YIF1A: variants seen among roughly 807,000 people sequenced by gnomAD.
YIF1A encodes protein YIF1A.
A neutral mutation model predicts 32.6 loss-of-function variants in YIF1A; 28 were observed. The ratio of observed to expected loss-of-function variants is 0.86; its 90% CI spans 0.64 to 1.18. The LOEUF (loss-of-function observed/expected upper bound fraction) is 1.18. Ranked by LOEUF, YIF1A falls within the 50% of genes most tolerant of loss-of-function variation. The pLI is 0.00. For synonymous variants in YIF1A, 175 were observed against 162.2 expected, an observed-to-expected ratio of 1.08 and a Z score of -0.60; for missense variants, 373 against 390.8, an observed-to-expected ratio of 0.95 and a Z score of 0.38.
intron 5 of YIF1A, 62 bp downstream of exon 5, chr11:66,285,639 C>G: frequency 6.2e-7 from 1 of 1,611,692 alleles, no homozygotes; most frequent in Non-Finnish European, 8.5e-7. Context: ...CACATATGCC[C>G]TAGGGAGGTT....
rs780815428 is a variant in YIF1A at position 66,288,227 on chromosome 11, A to G, written c.97T>C (p.Tyr33His). 2.5e-6 allele frequency: 4 copies of G among 1,613,912 alleles called. No homozygotes were observed. The South Asian group carries it at 4.4e-5, about 18-fold the overall frequency. Residue 33 changes from tyrosine (Y) to histidine (H), a missense_variant, in exon 2 of 8, where the codon TAT (tyrosine) becomes CAT (histidine). Coordinates refer to ENST00000376901, the MANE Select transcript of YIF1A (RefSeq NM_020470.3). ...GGGTATCCCCCGGGCTGGCTGGAAT[A>G]ACCACCGCTTGTGTCATCGAAGAGG... ...PPLFDDTSGG[Y>H]SSQPGGYPAT...
intron 2 of YIF1A, 28 bp from the exon 3 acceptor site, chr11:66,287,944 C>CA: frequency 6.2e-7 from 1 of 1,609,728 alleles, no homozygotes; most frequent in Non-Finnish European, 8.5e-7. Context: ...AAGCTGTGGG[C>CA]AAGCCGCACC....
chr11:66,288,722 G>A (rs1857403496), intron 1 of YIF1A, among the ~76,000 whole-genome samples: 1 of 152,260 alleles, frequency 6.6e-6, no homozygotes, highest in African/African-American at 2.4e-5. Context: ...AGTCAAAGGA[G>A]TTTCTGGAGG....
chr11:66,284,806 C>A (rs779712645), intron 7 of YIF1A, 23 bp from the exon 8 acceptor site: 1 of 1,611,354 alleles, frequency 6.2e-7, no homozygotes, highest in South Asian at 1.1e-5. Context: ...AGAACTGAAG[C>A]CTGGCCAGGA....
At chr11:66,287,996 G>A in intron 2 of YIF1A, 80 bp from the exon 3 acceptor site, 2 of 1,605,538 alleles carry the variant, frequency 1.2e-6, no homozygotes, top group Non-Finnish European at 1.7e-6. Context: ...ATCCCTGAGG[G>A]CACTGTGAGG....
At chr11:66,287,445 C>T (rs1590896369) in intron 4 of YIF1A, 153 bp downstream of exon 4, 3 of 889,730 alleles carry the variant, frequency 3.4e-6, no homozygotes, top group African/African-American at 1.7e-5. Context: ...CCCTGCACTG[C>T]CTGCCTGGTG....
chr11:66,288,333 A>T, intron 1 of YIF1A, 41 bp from the exon 2 acceptor site: 1 of 1,611,522 alleles, frequency 6.2e-7, no homozygotes, highest in Non-Finnish European at 8.5e-7. Flanking sequence ...CAGAAATACC[A>T]AGCATGAGCC....
At chr11:66,285,032 C>G (rs571088861) in intron 6 of YIF1A, 66 bp from the exon 7 acceptor site, 3 of 1,540,296 alleles carry the variant, frequency 1.9e-6, no homozygotes, top group East Asian at 2.3e-5. Flanking sequence ...GGCCCTACCC[C>G]CAACGCCCAG....
chr11:66,288,270 T>A lies in YIF1A; in HGVS notation c.54A>T (p.Ala18=), dbSNP rs1268764005. Residue 18 remains alanine (A), a synonymous_variant, in exon 2 of 8, where the codon GCA becomes GCT. Coordinates refer to ENST00000376901, the MANE Select transcript of YIF1A (RefSeq NM_020470.3). ...GAHGSKHRAR[A]APDPPPLFDD... is the part of the protein sequence containing the mutation. Reference sequence around the variant, plus strand: ...CGAAGAGGGGAGGGGGATCCGGGGCTGCCCGGGCCCTGTGCTTGGAGCCTG... The same window carrying A: ...CGAAGAGGGGAGGGGGATCCGGGGCAGCCCGGGCCCTGTGCTTGGAGCCTG... 13 of 1,613,950 alleles carry A rather than the reference T, an allele frequency of 8.1e-6. No individual in the cohort carries two copies. The highest frequency in any genetic ancestry group is 1.1e-5 in the Non-Finnish European group (13 of 1,180,018).
At chr11:66,288,375 C>G in intron 1 of YIF1A, 83 bp from the exon 2 acceptor site, 10 of 1,551,532 alleles carry the variant, frequency 6.4e-6, no homozygotes, top group Non-Finnish European at 8.0e-6. Context: ...GCTGGACAGC[C>G]CTGCACGGGT....
Position 66,288,229 on chromosome 11 carries a change from C to T in YIF1A, c.95G>A (p.Gly32Asp). The T allele has an allele frequency of 6.2e-7, 1 of 1,614,086 alleles. No individual in the cohort carries two copies. Among genetic ancestry groups the T allele is most frequent in the Non-Finnish European group, 8.5e-7 (1 of 1,180,038 alleles). ...PPPLFDDTSG[G>D]YSSQPGGYPA... is the part of the protein sequence containing the mutation. ...GTATCCCCCGGGCTGGCTGGAATAA[C>T]CACCGCTTGTGTCATCGAAGAGGGG... The change falls in exon 2 of 8, where the codon GGT (glycine) becomes GAT (aspartate). Residue 32 changes from glycine to aspartate, a missense_variant. Transcript: ENST00000376901.
chr11:66,288,406 AG>A, intron 1 of YIF1A, 114 bp from the exon 2 acceptor site: 1 of 1,259,794 alleles, frequency 7.9e-7, no homozygotes, highest in Non-Finnish European at 1.1e-6. Flanking sequence ...CCGATCAGTG[AG>A]GGGACCCCAA....
rs1170769920 is a variant in YIF1A, at chr11:66,289,104, C to T, written c.-119G>A. 7.4e-7 allele frequency: 1 copy of T among 1,351,350 alleles called. No homozygotes were observed. Among genetic ancestry groups the T allele is most frequent in the Non-Finnish European group, 9.6e-7 (1 of 1,038,664 alleles). 83.7% of individuals were successfully genotyped at this position (1,351,350 alleles called of 1,614,324 possible). ...GAGGCCACCCGGCCGCGCGACACGT[C>T]CCCCACCCCGCCGGTCTCGGCCACC... On this transcript the variant is annotated 5_prime_UTR_variant, in exon 1 of 8. Transcript: ENST00000376901.
intron 1 of YIF1A, 43 bp downstream of exon 1, chr11:66,288,912 T>C: frequency 6.9e-7 from 1 of 1,449,998 alleles, no homozygotes. Flanking sequence ...CCGCCGACTC[T>C]CCCCCCGCCG....
intron 3 of YIF1A, 38 bp from the exon 4 acceptor site, chr11:66,287,714 G>T (rs1466608048): frequency 1.2e-6 from 2 of 1,610,880 alleles, no homozygotes; most frequent in Non-Finnish European, 1.7e-6. Flanking sequence ...ACATCAGGAG[G>T]GGAAGAAGAG....
At chr11:66,287,783 C>T in intron 3 of YIF1A, 29 bp downstream of exon 3, 1 of 1,612,540 alleles carries the variant, frequency 6.2e-7, no homozygotes, top group Admixed American at 1.7e-5. Flanking sequence ...ATGAGGAAGG[C>T]CCACCAGCTC....
In YIF1A at chr11:66,288,136, G is replaced by A. The variant is rs762030236; in HGVS notation, c.188C>T (p.Ala63Val). 3.1e-6 allele frequency: 5 copies of A among 1,614,152 alleles called. No individual in the cohort carries two copies. Among genetic ancestry groups the A allele is most frequent in the East Asian group, 2.2e-5 (1 of 44,886 alleles). ...HLLGDPMANV[A>V]MAYGSSIASH... ...TGCGATGGAGCTGCCATAGGCCATAGCCACATTGGCCATTGGGTCCCCAAG... is the reference window on the plus strand; with the variant it reads ...TGCGATGGAGCTGCCATAGGCCATAACCACATTGGCCATTGGGTCCCCAAG... The change falls in exon 2 of 8, where the codon GCT becomes GTT. Residue 63 changes from alanine (A) to valine (V), a missense_variant. Physicochemically the swap from Ala to Val is moderately conservative, Grantham distance 64. Transcript: ENST00000376901.
rs1857384507 is a variant in YIF1A at position 66,287,812 on chromosome 11, C to G, written c.348G>C (p.Gln116His). ...CCAGCTCCCTTGGTAGGAAGCTCAC[C>G]TGGTGTGTGTAGGGGAAGACCAGCA... ...LGLLVFPYTH[Q>H]NWEVQYSRDA... Residue 116 changes from glutamine (Q) to histidine (H), a missense_variant and splice_region_variant, in exon 3 of 8, where the codon CAG becomes CAC. Coordinates refer to ENST00000376901, the MANE Select transcript of YIF1A (RefSeq NM_020470.3). 1 of 1,613,926 alleles carries G rather than the reference C, an allele frequency of 6.2e-7. No homozygotes were observed. The highest frequency in any genetic ancestry group is 1.1e-5 in the South Asian group (1 of 91,092).
chr11:66,288,433 G>A (rs891676176), intron 1 of YIF1A, 141 bp from the exon 2 acceptor site: 71 of 912,716 alleles, frequency 7.8e-5, no homozygotes, highest in Non-Finnish European at 1.1e-4. Flanking sequence ...GTGAGGGGGA[G>A]CTAACTGAGA....
Sources: allele counts gnomAD v4.1 joint callset (sites outside exome capture counted in the v4.1 genomes callset), GRCh38; gene constraint gnomAD v4.1.1; transcripts MANE v1.5; gene names NCBI Gene and HGNC (gene_info 2026-07-23, HGNC 2026-07-21).